The following ADAMTS15 variants were observed in gnomAD, a reference collection of about 807,000 sequenced individuals.
ADAMTS15 encodes ADAM metallopeptidase with thrombospondin type 1 motif 15.
In ADAMTS15, 35 loss-of-function variants were observed where a neutral mutation model predicts 79.1. That is an observed-to-expected ratio of 0.44 (90% CI 0.34 to 0.59). The LOEUF (loss-of-function observed/expected upper bound fraction) is 0.59, where lower values mean the gene tolerates loss of function less well. Among genes scored for constraint, ADAMTS15 ranks in the 20% least tolerant of loss-of-function variants. The pLI is 0.02. For synonymous variants in ADAMTS15, 616 were observed against 567.3 expected (o/e 1.09, Z -1.22); for missense variants, 1,324 against 1,318.7 (o/e 1.00, Z -0.06).
chr11:130,460,154 C>T (rs2134724880), intron 1 of ADAMTS15, among the ~76,000 whole-genome samples: 1 of 152,282 alleles, frequency 6.6e-6, no homozygotes, highest in African/African-American at 2.4e-5. Context: ...CATCATAAGC[C>T]TATTGTGAGG....
Position 130,448,895 on chromosome 11 carries a change from G to A in ADAMTS15, c.-79G>A. Reference sequence around the variant, plus strand: ...TAGCGTTGGCGGTTCCAGAGTGCGGGCTGCACGGAGACCGCGGCAGCGGCC... The same window carrying A: ...TAGCGTTGGCGGTTCCAGAGTGCGGACTGCACGGAGACCGCGGCAGCGGCC... On this transcript the variant is annotated 5_prime_UTR_variant, in exon 1 of 8. Transcript: ENST00000299164. The A allele has an allele frequency of 8.6e-7, 1 of 1,168,148 alleles. No individual in the cohort carries two copies. Among genetic ancestry groups the A allele is most frequent in the Non-Finnish European group, 1.1e-6 (1 of 874,460 alleles). 72.4% of individuals were successfully genotyped at this position (1,168,148 alleles called of 1,614,324 possible). A position where few individuals can be genotyped will look rare whatever the true frequency, so the allele number is the denominator to read the frequency against.
At chr11:130,467,579 T>A (rs1470009983) in intron 4 of ADAMTS15, among the ~76,000 whole-genome samples, 1 of 152,174 alleles carries the variant, frequency 6.6e-6, no homozygotes, top group Admixed American at 6.5e-5. Flanking sequence ...CTTAGTTCCA[T>A]GTGAGTTAGG....
chr11:130,450,084 A>G (rs1937932088), intron 1 of ADAMTS15, 154 bp downstream of exon 1: 1 of 985,390 alleles, frequency 1.0e-6, no homozygotes, highest in African/African-American at 1.7e-5. Flanking sequence ...TTCCAGGGAG[A>G]GCCCTCTCCC....
In ADAMTS15 at chr11:130,449,115, T is replaced by C. The variant is rs1222073606; in HGVS notation, c.142T>C (p.Ser48Pro). The C allele has an allele frequency of 6.3e-7, 1 of 1,588,286 alleles. No homozygotes were observed. The highest frequency in any genetic ancestry group is 2.3e-5 in the East Asian group (1 of 44,370). ...RRYYWRGPED[S>P]GDQGLIFQIT... ...CTACTACTGGCGGGGTCCCGAGGAC[T>C]CCGGGGATCAGGGACTCATTTTTCA... Residue 48 changes from serine to proline, a missense_variant, in exon 1 of 8, where the codon TCC becomes CCC. Coordinates refer to ENST00000299164, the MANE Select transcript of ADAMTS15 (RefSeq NM_139055.4). The surrounding 1 kb of genome is among the most constrained non-coding windows in gnomAD (Gnocchi z 7.8).
rs1281455253 is a variant in ADAMTS15 at position 130,470,184 on chromosome 11, G to GTATATATATATATATATATATATATA, written c.1721-735_1721-734insATATATATATATATATATATATATAT. On this transcript the variant is annotated intron_variant, in intron 5 of 7. Coordinates refer to ENST00000299164, the MANE Select transcript of ADAMTS15 (RefSeq NM_139055.4). ...TATATATATATATATATATATATGT[G>GTATATATATATATATATATATATATA]TGTATATATATATATATATATATAT... is the stretch of plus-strand genomic sequence containing the variant. Among the ~76,000 whole-genome samples, 120 of 50,154 alleles carry GTATATATATATATATATATATATATA rather than the reference G, an allele frequency of 2.4e-3. 4 individuals are homozygous for GTATATATATATATATATATATATATA. Among genetic ancestry groups the GTATATATATATATATATATATATATA allele is most frequent in the Non-Finnish European group, 3.5e-3 (93 of 26,610 alleles). The allele number at this position is 50,154 out of a possible 152,430, so 32.9% of individuals were successfully genotyped here.
chr11:130,455,597 A>G (rs1248026248), intron 1 of ADAMTS15, among the ~76,000 whole-genome samples: 2 of 152,214 alleles, frequency 1.3e-5, no homozygotes, highest in African/African-American at 4.8e-5. Flanking sequence ...TCATTCATCC[A>G]GCTTTTGAGG....
At chr11:130,470,159 T>TATATATAC (rs1938404596) in intron 5 of ADAMTS15, among the ~76,000 whole-genome samples, 3 of 50,186 alleles carry the variant, frequency 6.0e-5, no homozygotes, top group African/African-American at 3.6e-4. Flanking sequence ...TATGTGTATA[T>TATATATAC]ATATATATAT....
intron 1 of ADAMTS15, among the ~76,000 whole-genome samples, chr11:130,459,825 C>T (rs998512191): frequency 3.9e-5 from 6 of 152,246 alleles, no homozygotes; most frequent in African/African-American, 1.4e-4. Flanking sequence ...ATTTTCTGTA[C>T]TCTGACCGCT....
At chr11:130,469,223 C>G (rs1938370861) in intron 4 of ADAMTS15, 39 bp from the exon 5 acceptor site, 3 of 1,364,094 alleles carry the variant, frequency 2.2e-6, no homozygotes, top group South Asian at 4.3e-5. Context: ...GGTGTGGCAC[C>G]TGGATCCACC....
intron 1 of ADAMTS15, among the ~76,000 whole-genome samples, chr11:130,453,005 C>A (rs1467587404): frequency 6.6e-6 from 1 of 151,660 alleles, no homozygotes; most frequent in Non-Finnish European, 1.5e-5. Flanking sequence ...AAAATTGCGG[C>A]CTCAGGTCCC....
intron 7 of ADAMTS15, 147 bp downstream of exon 7, chr11:130,471,530 CT>C (rs1938459436): frequency 1.3e-6 from 1 of 778,974 alleles, no homozygotes; most frequent in African/African-American, 1.8e-5. Context: ...CCTTCTAGGG[CT>C]GCTAGTCCTT....
intron 1 of ADAMTS15, among the ~76,000 whole-genome samples, chr11:130,451,959 T>C (rs1937970027): frequency 6.6e-6 from 1 of 152,146 alleles, no homozygotes; most frequent in African/African-American, 2.4e-5. Flanking sequence ...GCCTTCCCCT[T>C]AGGTGCCTAG....
At chr11:130,451,705 C>A (rs927419750) in intron 1 of ADAMTS15, among the ~76,000 whole-genome samples, 1 of 152,200 alleles carries the variant, frequency 6.6e-6, no homozygotes, top group African/African-American at 2.4e-5. Context: ...GCCTCTGCAG[C>A]CTGGTGGTGA....
rs1565397596 is a variant in ADAMTS15 at position 130,470,151 on chromosome 11, T to TAC, written c.1720+712_1720+713insAC. Among the ~76,000 whole-genome samples the TAC allele has an allele frequency of 2.3e-3, 132 of 56,298 alleles. 4 individuals are homozygous for TAC. The highest frequency in any genetic ancestry group is 7.0e-3 in the Middle Eastern group (1 of 142). The allele number at this position is 56,298 out of a possible 152,430, so 36.9% of individuals were successfully genotyped here. A position where few individuals can be genotyped will look rare whatever the true frequency, so the allele number is the denominator to read the frequency against. ...ATATATACATATATATATATATATA[T>TAC]GTGTATATATATATATATATATATA... is the stretch of plus-strand genomic sequence containing the variant. On this transcript the variant is annotated intron_variant, in intron 5 of 7. Transcript: ENST00000299164.
At chr11:130,455,379 G>C (rs529082613) in intron 1 of ADAMTS15, among the ~76,000 whole-genome samples, 34 of 152,270 alleles carry the variant, frequency 2.2e-4, no homozygotes, top group African/African-American at 7.9e-4. Context: ...TCCAATTTTT[G>C]TATGGAAGCT....
intron 5 of ADAMTS15, among the ~76,000 whole-genome samples, chr11:130,470,167 T>TATATAC (rs1938409320): frequency 5.2e-5 from 3 of 57,646 alleles, no homozygotes; most frequent in African/African-American, 3.2e-4. Context: ...TATATATATA[T>TATATAC]ATATATATAT....
chr11:130,450,564 T>C (rs776477580), intron 1 of ADAMTS15, among the ~76,000 whole-genome samples: 11 of 152,130 alleles, frequency 7.2e-5, no homozygotes, highest in Non-Finnish European at 1.0e-4. Flanking sequence ...CCTACAGACT[T>C]CTCTGCTGGG....
Position 130,449,578 on chromosome 11 carries a change from G to C in ADAMTS15, c.605G>C (p.Arg202Pro). The C allele has an allele frequency of 6.3e-7, 1 of 1,596,002 alleles. No individual in the cohort carries two copies. The part of the protein sequence containing the change: ...KPRRAGFGES[R>P]SRRRSGRAKR... ...CGGCGGGCGGGCTTCGGGGAGAGTC[G>C]TAGCCGGCGCAGGTCTGGGCGCGCC... Residue 202 changes from arginine (R) to proline (P), a missense_variant, in exon 1 of 8, where the codon CGT becomes CCT. Arg to Pro is a moderately radical substitution (Grantham distance 103). Coordinates refer to ENST00000299164, the MANE Select transcript of ADAMTS15 (RefSeq NM_139055.4). The surrounding 1 kb of genome is among the most constrained non-coding windows in gnomAD (Gnocchi z 7.8).
intron 4 of ADAMTS15, among the ~76,000 whole-genome samples, chr11:130,464,681 T>C (rs1214666751): frequency 1.3e-5 from 2 of 152,162 alleles, no homozygotes; most frequent in Non-Finnish European, 2.9e-5. Flanking sequence ...AAATTCATGA[T>C]CTGAGCTGGG....
Sources: gnomAD v4.1 joint callset for allele counts (sites outside exome capture counted in the v4.1 genomes callset) on GRCh38, gnomAD v4.1.1 for gene constraint, Gnocchi (gnomAD v3.1) non-coding constraint, MANE v1.5 for transcripts, NCBI Gene and HGNC (gene_info 2026-07-23, HGNC 2026-07-21) for gene names.